RANBP17: variants seen among roughly 807,000 people sequenced by gnomAD.
RANBP17 encodes the protein RAN binding protein 17.
In RANBP17, 158 loss-of-function variants were observed where a neutral mutation model predicts 141.2. The ratio of observed to expected loss-of-function variants is 1.12; its 90% CI spans 0.98 to 1.28. The LOEUF is 1.28. Among genes scored for constraint, RANBP17 ranks in the 50% most tolerant of loss-of-function variants. RANBP17 has a pLI of 0.00. For synonymous variants in RANBP17, 430 were observed against 450.0 expected (o/e 0.96, Z 0.56); for missense variants, 1,438 against 1,290.7 (o/e 1.11, Z -1.75).
intron 14 of RANBP17, among the ~76,000 whole-genome samples, chr5:170,993,366 A>G (rs1778629119): frequency 6.6e-6 from 1 of 152,080 alleles, no homozygotes; most frequent in Admixed American, 6.6e-5. Context: ...GGCATTTTAC[A>G]TGTATTATAT....
intron 22 of RANBP17, among the ~76,000 whole-genome samples, chr5:171,223,992 G>T (rs1010309095): frequency 5.3e-5 from 8 of 152,296 alleles, no homozygotes; most frequent in African/African-American, 1.7e-4. Context: ...GCCTAGTTGG[G>T]ATTAAGAAGG....
At chr5:170,948,983 C>T (rs1479489344) in intron 12 of RANBP17, among the ~76,000 whole-genome samples, 1 of 152,026 alleles carries the variant, frequency 6.6e-6, no homozygotes, top group Non-Finnish European at 1.5e-5. Flanking sequence ...TGAGACACCT[C>T]ATCTCTACAA....
At chr5:170,968,829 A>C (rs966978946) in intron 14 of RANBP17, 53 of 399,668 alleles carry the variant, frequency 1.3e-4, no homozygotes, top group African/African-American at 1.1e-3. Flanking sequence ...GACTGCATAT[A>C]ACCTTAATGT....
At position 171,083,960 on chromosome 5, in the gene RANBP17, C is replaced by CTTT. The variant is rs56784069; in HGVS notation, c.1711-86160_1711-86158dup. Among the ~76,000 whole-genome samples the CTTT allele has an allele frequency of 2.3e-3, 342 of 146,950 alleles. 3 individuals are homozygous for CTTT. The highest frequency in any genetic ancestry group is 0.016 in the South Asian group (73 of 4,618). On this transcript the variant is annotated intron_variant, in intron 14 of 27. Coordinates refer to ENST00000523189, the MANE Select transcript of RANBP17 (RefSeq NM_022897.5). ...GTAAATTGCCCAGTTGTGGTTATGT[C>CTTT]TTTTTTTTTTTTAATTATACTTTAA...
intron 14 of RANBP17, among the ~76,000 whole-genome samples, chr5:171,136,853 T>A (rs1757324803): frequency 1.3e-5 from 2 of 152,152 alleles, no homozygotes; most frequent in Non-Finnish European, 2.9e-5. Flanking sequence ...TGAAGCTGTA[T>A]CGTTTGAGTG....
intron 14 of RANBP17, among the ~76,000 whole-genome samples, chr5:170,996,680 T>C (rs1188584429): frequency 6.6e-6 from 1 of 152,224 alleles, no homozygotes; most frequent in Non-Finnish European, 1.5e-5. Context: ...TGCTTCAGTT[T>C]GGAAATAAAA....
At chr5:170,945,434 AG>A (rs1470812337) in intron 12 of RANBP17, among the ~76,000 whole-genome samples, 3 of 152,188 alleles carry the variant, frequency 2.0e-5, no homozygotes, top group Non-Finnish European at 2.9e-5. Context: ...GAGCACTTAT[AG>A]CACTTACTCA....
intron 24 of RANBP17, among the ~76,000 whole-genome samples, chr5:171,261,119 A>T (rs1160032636): frequency 1.3e-5 from 2 of 149,936 alleles, no homozygotes; most frequent in African/African-American, 2.4e-5. Flanking sequence ...AAAAAAAAAA[A>T]ACCCTAAAGA....
At chr5:170,866,014 G>A (rs1211761373) in intron 1 of RANBP17, among the ~76,000 whole-genome samples, 1 of 152,140 alleles carries the variant, frequency 6.6e-6, no homozygotes, top group Non-Finnish European at 1.5e-5. Context: ...ATTATACAGG[G>A]TTTTTACTGG....
At chr5:171,288,318 A>G (rs572305597) in intron 25 of RANBP17, among the ~76,000 whole-genome samples, 22 of 152,346 alleles carry the variant, frequency 1.4e-4, no homozygotes, top group African/African-American at 5.3e-4. Context: ...GGGTGTCTGA[A>G]TGGAGGAGGT....
rs180776845 is a variant in RANBP17, at chr5:171,054,702, G to A, written c.1710+86325G>A. On this transcript the variant is annotated intron_variant, in intron 14 of 27. Coordinates refer to ENST00000523189, the MANE Select transcript of RANBP17 (RefSeq NM_022897.5). Reference sequence around the variant, plus strand: ...GAATGCCTAGCCTCCTGGGAATGCAGCCCAGTAGGCCTCAACCTTATTTTA... The same window carrying A: ...GAATGCCTAGCCTCCTGGGAATGCAACCCAGTAGGCCTCAACCTTATTTTA... Among the ~76,000 whole-genome samples, 9 of 152,220 alleles carry A rather than the reference G, an allele frequency of 5.9e-5. No individual in the cohort carries two copies. The East Asian group carries it at 1.4e-3, about 23-fold the overall frequency.
At chr5:170,873,720 ATTC>A (rs1220003127) in intron 1 of RANBP17, among the ~76,000 whole-genome samples, 1 of 151,804 alleles carries the variant, frequency 6.6e-6, no homozygotes, top group Non-Finnish European at 1.5e-5. Flanking sequence ...TGTCTATTTG[ATTC>A]TTCTCTCTTT....
chr5:171,055,816 A>G (rs182732644), intron 14 of RANBP17, among the ~76,000 whole-genome samples: 5 of 150,412 alleles, frequency 3.3e-5, no homozygotes, highest in African/African-American at 1.2e-4. Context: ...ACCTTTAAGA[A>G]AAGCATGCTA....
intron 12 of RANBP17, among the ~76,000 whole-genome samples, chr5:170,934,710 C>G (rs547515322): frequency 6.6e-6 from 1 of 152,136 alleles, no homozygotes; most frequent in Non-Finnish European, 1.5e-5. Context: ...GTGGGTAACC[C>G]GACCTTTCTC....
chr5:171,234,640 A>G (rs1318696073), intron 22 of RANBP17, among the ~76,000 whole-genome samples: 1 of 152,186 alleles, frequency 6.6e-6, no homozygotes, highest in Non-Finnish European at 1.5e-5. Flanking sequence ...AAATTTCTTG[A>G]TTCATTGGGC....
chr5:171,226,030 A>T (rs1763858747), intron 22 of RANBP17, among the ~76,000 whole-genome samples: 1 of 152,204 alleles, frequency 6.6e-6, no homozygotes, highest in Admixed American at 6.5e-5. Flanking sequence ...ATTTTCTACT[A>T]GCCCAAGCCT....
At chr5:171,223,882 A>G (rs1180492182) in intron 22 of RANBP17, among the ~76,000 whole-genome samples, 1 of 152,176 alleles carries the variant, frequency 6.6e-6, no homozygotes, top group African/African-American at 2.4e-5. Flanking sequence ...ACCAATACTT[A>G]CCGACTTCAT....
At chr5:171,205,263 A>G (rs1021119422) in intron 19 of RANBP17, among the ~76,000 whole-genome samples, 2 of 152,182 alleles carry the variant, frequency 1.3e-5, no homozygotes, top group African/African-American at 4.8e-5. Context: ...TTATTCAGAA[A>G]CAAAGTATAT....
intron 21 of RANBP17, among the ~76,000 whole-genome samples, chr5:171,219,915 C>T (rs1763445870): frequency 6.6e-6 from 1 of 151,946 alleles, no homozygotes. Context: ...ACTCATTCTC[C>T]GTCCAGTTTT....
Sources: gnomAD v4.1 joint callset for allele counts (sites outside exome capture counted in the v4.1 genomes callset) on GRCh38, gnomAD v4.1.1 for gene constraint, MANE v1.5 for transcripts, NCBI Gene and HGNC (gene_info 2026-07-23, HGNC 2026-07-21) for gene names.